Variants in RB1CC1 observed in about 807,000 individuals in gnomAD.
RB1CC1 encodes the protein RB1 inducible coiled-coil 1.
In RB1CC1, 46 loss-of-function variants were observed where a neutral mutation model predicts 177.5. The ratio of observed to expected loss-of-function variants is 0.26; its 90% CI spans 0.20 to 0.33. RB1CC1 has a LOEUF of 0.33. RB1CC1 is among the 10% of genes least tolerant of loss of function. The pLI is 1.00. For synonymous variants in RB1CC1, 666 were observed against 613.6 expected (o/e 1.09, Z -1.26); for missense variants, 1,703 against 1,816.3 (o/e 0.94, Z 1.13).
chr8:52,676,368 CTGAG>C lies in RB1CC1; in HGVS notation c.569_572del (p.Thr190IlefsTer2). On this transcript the variant is annotated frameshift_variant and splice_region_variant, in exon 6 of 24. Transcript: ENST00000025008. LOFTEE classifies it high-confidence loss of function. ...ATTATCCATTTTAATGGCAAACATA[CTGAG>C]TAAGTTTTAACTTGATGTCTTCTAT... The C allele has an allele frequency of 6.3e-7, 1 of 1,594,460 alleles. No homozygotes were observed. Among genetic ancestry groups the C allele is most frequent in the Non-Finnish European group, 8.6e-7 (1 of 1,167,886 alleles).
rs573057589 is a variant in RB1CC1, at chr8:52,673,961, T to C, written c.886A>G (p.Thr296Ala). The C allele has an allele frequency of 1.2e-6, 2 of 1,614,186 alleles. No individual in the cohort carries two copies. Among genetic ancestry groups the C allele is most frequent in the South Asian group, 1.1e-5 (1 of 91,082 alleles). The change falls in exon 7 of 24, where the codon ACT becomes GCT. Residue 296 changes from threonine to alanine, a missense_variant. Transcript: ENST00000025008. ...VHQQDETTID[T>A]KDGDLPFFNV... is the part of the protein sequence containing the mutation. The stretch of plus-strand genomic sequence containing the variant: ...AAAAAGGGCAGATCACCATCTTTAG[T>C]GTCAATCGTAGTTTCATCTTGCTGA...
At chr8:52,634,004 C>A (rs992001404) in intron 20 of RB1CC1, among the ~76,000 whole-genome samples, 9 of 152,188 alleles carry the variant, frequency 5.9e-5, no homozygotes, top group African/African-American at 2.2e-4. Flanking sequence ...GTACTCCCAG[C>A]TACTTGCTGA....
intron 2 of RB1CC1, among the ~76,000 whole-genome samples, chr8:52,686,341 C>G (rs1464273416): frequency 6.6e-6 from 1 of 152,156 alleles, no homozygotes; most frequent in East Asian, 1.9e-4. Context: ...GCCAGGAGTT[C>G]AAGACTAGCC....
rs1026863542 is a variant in RB1CC1, at chr8:52,668,253, T to C, written c.1003-62A>G. 1.9e-5 allele frequency: 29 copies of C among 1,558,154 alleles called. No homozygotes were observed. The South Asian group carries it at 3.1e-4, about 17-fold the overall frequency. On this transcript the variant is annotated intron_variant, in intron 7 of 23. Transcript: ENST00000025008. ...AGCAAATAGTTTAAAATGTATTTCATGCTATTCTGACATACAGCTTGAGAG... is the reference window on the plus strand; with the variant it reads ...AGCAAATAGTTTAAAATGTATTTCACGCTATTCTGACATACAGCTTGAGAG...
At chr8:52,642,247 G>A (rs1477113592) in intron 18 of RB1CC1, 104 bp downstream of exon 18, 1 of 1,371,600 alleles carries the variant, frequency 7.3e-7, no homozygotes, top group Non-Finnish European at 9.9e-7. Context: ...CAGATACATG[G>A]GCTGTGGACA....
intron 18 of RB1CC1, among the ~76,000 whole-genome samples, chr8:52,637,132 A>C (rs1203991299): frequency 6.6e-6 from 1 of 152,184 alleles, no homozygotes; most frequent in East Asian, 1.9e-4. Context: ...AGATTACGAT[A>C]AGAATTGTGT....
At chr8:52,684,604 G>C (rs10504146) in intron 3 of RB1CC1, among the ~76,000 whole-genome samples, 26,952 of 152,078 alleles carry the variant, frequency 0.18, 3,296 homozygotes, top group East Asian at 0.65. Context: ...TTAGATACCT[G>C]AGTCCCACTA....
chr8:52,649,245 C>T (rs1284807540), intron 15 of RB1CC1, among the ~76,000 whole-genome samples: 2 of 152,126 alleles, frequency 1.3e-5, no homozygotes, highest in Non-Finnish European at 2.9e-5. Context: ...TCTTTGCATA[C>T]CTGAATACTT....
intron 5 of RB1CC1, among the ~76,000 whole-genome samples, chr8:52,683,161 A>C (rs780555555): frequency 6.6e-6 from 1 of 152,192 alleles, no homozygotes; most frequent in Non-Finnish European, 1.5e-5. Flanking sequence ...TTAGAAAGAA[A>C]CCTAATTCTC....
chr8:52,660,699 T>C lies in RB1CC1; in HGVS notation c.1628-42A>G, dbSNP rs780182479. ...ACAATATGGTTATTTTAGAGCTTTATTTAAGGCAAAAAATTATCTCTGGTT... is the reference window on the plus strand; with the variant it reads ...ACAATATGGTTATTTTAGAGCTTTACTTAAGGCAAAAAATTATCTCTGGTT... On this transcript the variant is annotated intron_variant, in intron 11 of 23. Transcript: ENST00000025008. The C allele has an allele frequency of 1.9e-5, 29 of 1,514,498 alleles. 1 individual carries two copies. The South Asian group carries it at 3.2e-4, about 17-fold the overall frequency. 93.8% of individuals were successfully genotyped at this position (1,514,498 alleles called of 1,614,324 possible). A position where few individuals can be genotyped will look rare whatever the true frequency, so the allele number is the denominator to read the frequency against.
intron 8 of RB1CC1, among the ~76,000 whole-genome samples, chr8:52,664,035 C>T (rs1851851646): frequency 6.6e-6 from 1 of 152,180 alleles, no homozygotes; most frequent in Non-Finnish European, 1.5e-5. Flanking sequence ...ACCAAGACTT[C>T]AAGATCAGGA....
At chr8:52,684,444 T>A (rs1854057945) in intron 3 of RB1CC1, among the ~76,000 whole-genome samples, 2 of 152,204 alleles carry the variant, frequency 1.3e-5, no homozygotes, top group Non-Finnish European at 2.9e-5. Flanking sequence ...GATTATTATT[T>A]CACACACTAT....
intron 6 of RB1CC1, among the ~76,000 whole-genome samples, chr8:52,674,770 CAAA>C (rs779344001): frequency 1.7e-5 from 1 of 59,808 alleles, no homozygotes; most frequent in Admixed American, 1.9e-4. Context: ...GGCTCCGTCT[CAAA>C]AAAAAAAAAA....
intron 18 of RB1CC1, among the ~76,000 whole-genome samples, chr8:52,636,965 C>G (rs1177069859): frequency 6.6e-6 from 1 of 152,190 alleles, no homozygotes; most frequent in African/African-American, 2.4e-5. Flanking sequence ...CAGGCTAGCA[C>G]TACAGTGTCT....
chr8:52,698,656 A>C (rs1855685990), intron 1 of RB1CC1, among the ~76,000 whole-genome samples: 1 of 122,244 alleles, frequency 8.2e-6, no homozygotes, highest in Non-Finnish European at 1.6e-5. Flanking sequence ...CAAAAACTGT[A>C]TATGTAATGG....
chr8:52,673,275 GC>G (rs1852772227), intron 7 of RB1CC1, among the ~76,000 whole-genome samples: 1 of 152,208 alleles, frequency 6.6e-6, no homozygotes, highest in Admixed American at 6.5e-5. Flanking sequence ...GCATCAGTTT[GC>G]AGATCAGATA....
Position 52,622,696 on chromosome 8 carries a change from C to CT in RB1CC1, c.*1085dup, listed in dbSNP as rs1848139241. 1 of 152,042 alleles carries CT rather than the reference C, an allele frequency of 6.6e-6. No homozygotes were observed. The highest frequency in any genetic ancestry group is 2.4e-5 in the African/African-American group (1 of 41,416). 9.4% of individuals were successfully genotyped at this position (152,042 alleles called of 1,614,324 possible). A position where few individuals can be genotyped will look rare whatever the true frequency, so the allele number is the denominator to read the frequency against. ...TTTAAATAACTTTGCTCAATGGCAA[C>CT]TTCTCTAAAGATCTAGTTTACACAA... On this transcript the variant is annotated 3_prime_UTR_variant, in exon 24 of 24. Transcript: ENST00000025008.
chr8:52,696,092 T>C (rs1435376767), intron 1 of RB1CC1, among the ~76,000 whole-genome samples: 1 of 152,242 alleles, frequency 6.6e-6, no homozygotes, highest in Non-Finnish European at 1.5e-5. Context: ...TCGCCCAGAC[T>C]GGAGTGCAAT....
At chr8:52,637,484 T>C (rs1019607974) in intron 18 of RB1CC1, among the ~76,000 whole-genome samples, 2 of 152,096 alleles carry the variant, frequency 1.3e-5, no homozygotes, top group Admixed American at 1.3e-4. Flanking sequence ...ACCACAGCTG[T>C]GCACCACCAC....
Sources: gnomAD v4.1 joint callset for allele counts (sites outside exome capture counted in the v4.1 genomes callset) on GRCh38, gnomAD v4.1.1 for gene constraint, MANE v1.5 for transcripts, NCBI Gene and HGNC (gene_info 2026-07-23, HGNC 2026-07-21) for gene names.